Variants in TNNT3 observed in about 807,000 individuals in gnomAD.
TNNT3 encodes the protein troponin T3, fast skeletal type.
TNNT3 carries 36 observed loss-of-function variants against 54.2 expected under a neutral mutation model. The observed-to-expected ratio is 0.66, with a 90% CI of 0.51 to 0.88. The LOEUF (loss-of-function observed/expected upper bound fraction) is 0.88. TNNT3 is among the 40% of genes least tolerant of loss of function. TNNT3 has a pLI of 0.00. For synonymous variants in TNNT3, 120 were observed against 109.7 expected, an observed-to-expected ratio of 1.09 and a Z score of -0.59; for missense variants, 291 against 331.6, an observed-to-expected ratio of 0.88 and a Z score of 0.95.
Position 1,933,971 on chromosome 11 carries a change from G to A in TNNT3, c.329G>A (p.Arg110His), listed in dbSNP as rs749185938. The A allele has an allele frequency of 3.3e-5, 53 of 1,612,650 alleles. No individual in the cohort carries two copies. The Admixed American group carries it at 7.2e-4, about 22-fold the overall frequency. ...GAGAGAGCGGAGCAGCAGAGGATTCGTGCAGAGAAGGAGAGGGAGCGCCAG... is the reference window on the plus strand; with the variant it reads ...GAGAGAGCGGAGCAGCAGAGGATTCATGCAGAGAAGGAGAGGGAGCGCCAG... ...RAERAEQQRIRAEKERERQNR... is the reference protein window; with the variant it reads ...RAERAEQQRIHAEKERERQNR... Residue 110 changes from arginine (R) to histidine (H), a missense_variant, in exon 11 of 16, where the codon CGT (arginine) becomes CAT (histidine). Transcript: ENST00000278317.
Position 1,933,988 on chromosome 11 carries a change from G to C in TNNT3, c.346G>C (p.Glu116Gln). The C allele has an allele frequency of 6.2e-7, 1 of 1,612,468 alleles. No homozygotes were observed. Among genetic ancestry groups the C allele is most frequent in the Non-Finnish European group, 8.5e-7 (1 of 1,179,892 alleles). ...GAGGATTCGTGCAGAGAAGGAGAGG[G>C]AGCGCCAGAACAGACTGGCGGTGAG... is the stretch of plus-strand genomic sequence containing the variant. The part of the protein sequence containing the change: ...QQRIRAEKER[E>Q]RQNRLAEEKA... Residue 116 changes from glutamate (E) to glutamine (Q), a missense_variant, in exon 11 of 16, where the codon GAG (glutamate) becomes CAG (glutamine). Physicochemically the swap from Glu to Gln is conservative, Grantham distance 29. Coordinates refer to ENST00000278317, the MANE Select transcript of TNNT3 (RefSeq NM_006757.4).
intron 3 of TNNT3, 122 bp downstream of exon 3, chr11:1,923,183 TG>T: frequency 2.1e-6 from 3 of 1,413,666 alleles, no homozygotes; most frequent in Non-Finnish European, 3.0e-6. Context: ...CTGCATCCCA[TG>T]GGTGGCTTCT....
chr11:1,927,284 G>A (rs1220357738), intron 6 of TNNT3, among the ~76,000 whole-genome samples: 1 of 152,218 alleles, frequency 6.6e-6, no homozygotes. Flanking sequence ...CCCACCCATT[G>A]CCTGGGCCTG....
intron 1 of TNNT3, among the ~76,000 whole-genome samples, chr11:1,920,424 G>A (rs1177143551): frequency 6.6e-6 from 1 of 152,094 alleles, no homozygotes; most frequent in Admixed American, 6.5e-5. Context: ...GGGCTTCATC[G>A]CGTCCCCCTG....
rs755658122 is a variant in TNNT3, at chr11:1,938,611, G to C, written c.*119G>C. 7.1e-6 allele frequency: 8 copies of C among 1,126,424 alleles called. No individual in the cohort carries two copies. The highest frequency in any genetic ancestry group is 1.1e-5 in the Non-Finnish European group (8 of 757,652). The allele number at this position is 1,126,424 out of a possible 1,614,324, so 69.8% of individuals were successfully genotyped here. A position where few individuals can be genotyped will look rare whatever the true frequency, so the allele number is the denominator to read the frequency against. On this transcript the variant is annotated 3_prime_UTR_variant, in exon 16 of 16. Coordinates refer to ENST00000278317, the MANE Select transcript of TNNT3 (RefSeq NM_006757.4). ...CTGTCAGGGGCTCCCTGACAGTCCT[G>C]GGGGTGGAGAGGCCATCCCGGGGCG... is the stretch of plus-strand genomic sequence containing the variant.
chr11:1,927,079 A>T (rs1851823511), intron 6 of TNNT3, among the ~76,000 whole-genome samples: 1 of 152,068 alleles, frequency 6.6e-6, no homozygotes, highest in Non-Finnish European at 1.5e-5. Context: ...TGGGGTGGGA[A>T]GAGCGCAGGA....
At chr11:1,924,419 G>A (rs1313814143) in intron 4 of TNNT3, among the ~76,000 whole-genome samples, 3 of 152,344 alleles carry the variant, frequency 2.0e-5, no homozygotes, top group Middle Eastern at 3.4e-3. Context: ...TGGGGAGCGC[G>A]TTCACGCAAC....
At chr11:1,938,021 C>A (rs774578637) in intron 15 of TNNT3, among the ~76,000 whole-genome samples, 1 of 152,216 alleles carries the variant, frequency 6.6e-6, no homozygotes, top group South Asian at 2.1e-4. Context: ...CGGCTCGTGG[C>A]CACATGAAGA....
chr11:1,926,529 G>A (rs1326071430), intron 5 of TNNT3, 166 bp from the exon 6 acceptor site: 9 of 1,612,886 alleles, frequency 5.6e-6, no homozygotes, highest in Non-Finnish European at 7.6e-6. Flanking sequence ...GCCATGTGGG[G>A]GGTGCAGGAC....
chr11:1,923,485 T>A, intron 3 of TNNT3, 70 bp from the exon 4 acceptor site: 1 of 1,555,496 alleles, frequency 6.4e-7, no homozygotes, highest in Non-Finnish European at 8.9e-7. Flanking sequence ...CACTGGCCTC[T>A]CATCCTCCTC....
In TNNT3 at chr11:1,933,996, G is replaced by A. The variant is rs148513274; in HGVS notation, c.354G>A (p.Gln118=). The A allele has an allele frequency of 3.1e-6, 5 of 1,612,216 alleles. No individual in the cohort carries two copies. In the African/African-American group the frequency reaches 6.7e-5, roughly 22 times the overall value. Residue 118 remains glutamine (Q), a synonymous_variant, in exon 11 of 16, where the codon CAG becomes CAA. Transcript: ENST00000278317. ...GTGCAGAGAAGGAGAGGGAGCGCCA[G>A]AACAGACTGGCGGTGAGGGCACCAT... ...RIRAEKERER[Q]NRLAEEKARR...
intron 4 of TNNT3, 132 bp from the exon 5 acceptor site, chr11:1,924,967 C>G: frequency 1.0e-6 from 1 of 981,372 alleles, no homozygotes; most frequent in Non-Finnish European, 1.6e-6. Context: ...CCCTGCCAAG[C>G]GAGCCCCAGG....
At chr11:1,932,585 A>AGAAGG in intron 9 of TNNT3, 71 bp downstream of exon 9, 3 of 1,507,466 alleles carry the variant, frequency 2.0e-6, no homozygotes, top group Non-Finnish European at 2.8e-6. Context: ...TCTAGGCCTC[A>AGAAGG]GAAGGTCACT....
upstream of TNNT3, chr11:1,919,647 A>G (rs1316756602): frequency 5.3e-5 from 8 of 152,290 alleles, no homozygotes; most frequent in Non-Finnish European, 1.0e-4. Flanking sequence ...TCACTGGCCA[A>G]TGGGCTCCTA....
intron 4 of TNNT3, among the ~76,000 whole-genome samples, chr11:1,924,375 G>A (rs996719385): frequency 2.3e-4 from 35 of 152,184 alleles, no homozygotes; most frequent in African/African-American, 7.7e-4. Context: ...TCAGGCCGAC[G>A]GCGCTGCCCT....
intron 1 of TNNT3, among the ~76,000 whole-genome samples, chr11:1,920,577 G>T (rs538667176): frequency 1.1e-3 from 163 of 151,260 alleles, no homozygotes; most frequent in African/African-American, 3.6e-3. Flanking sequence ...CAAAGCAAAG[G>T]TTGGCTGGGT....
At chr11:1,920,698 A>T (rs1849903499) in intron 1 of TNNT3, among the ~76,000 whole-genome samples, 1 of 152,104 alleles carries the variant, frequency 6.6e-6, no homozygotes, top group Non-Finnish European at 1.5e-5. Flanking sequence ...AAGGTGATGC[A>T]TACGTGCCCG....
chr11:1,931,333 T>C (rs1476061979), intron 8 of TNNT3, among the ~76,000 whole-genome samples: 2 of 152,252 alleles, frequency 1.3e-5, no homozygotes, highest in East Asian at 3.8e-4. Context: ...TGAATGTTCT[T>C]AAGGCTTTGA....
chr11:1,926,821 C>A, intron 6 of TNNT3, 112 bp downstream of exon 6: 3 of 1,412,066 alleles, frequency 2.1e-6, no homozygotes, highest in East Asian at 2.3e-5. Context: ...ACAACTGAAC[C>A]CGTTCTGGCC....
Sources: gnomAD v4.1 joint callset for allele counts (sites outside exome capture counted in the v4.1 genomes callset) on GRCh38, gnomAD v4.1.1 for gene constraint, MANE v1.5 for transcripts, NCBI Gene and HGNC (gene_info 2026-07-23, HGNC 2026-07-21) for gene names.